Variants in LRMDA observed in about 807,000 individuals in gnomAD.
The protein encoded by LRMDA is leucine-rich melanocyte differentiation-associated protein.
A neutral mutation model predicts 29.8 loss-of-function variants in LRMDA; 18 were observed. That is an observed-to-expected ratio of 0.60 (90% CI 0.42 to 0.90). The LOEUF is 0.90. LRMDA is among the 40% of genes least tolerant of loss of function. The probability of loss-of-function intolerance (pLI) is 0.00; values close to 1 mark genes in which losing one functional copy is unlikely to be tolerated. For missense variants in LRMDA, 273 were observed against 273.9 expected, an observed-to-expected ratio of 1.00 and a Z score of 0.02; for synonymous variants, 125 against 109.4, an observed-to-expected ratio of 1.14 and a Z score of -0.89.
intron 5 of LRMDA, among the ~76,000 whole-genome samples, chr10:76,080,067 C>T (rs1235949169): frequency 6.6e-6 from 1 of 152,092 alleles, no homozygotes; most frequent in Admixed American, 6.5e-5. Flanking sequence ...CCTCCTCCTC[C>T]TCCCTTCCCT....
intron 2 of LRMDA, among the ~76,000 whole-genome samples, chr10:75,532,781 C>T (rs1845493329): frequency 6.6e-6 from 1 of 152,108 alleles, no homozygotes; most frequent in Non-Finnish European, 1.5e-5. Flanking sequence ...TACCCTAGAC[C>T]TGGTGGCTCA....
At chr10:76,182,133 G>T (rs1027391210) in intron 5 of LRMDA, among the ~76,000 whole-genome samples, 1 of 152,124 alleles carries the variant, frequency 6.6e-6, no homozygotes, top group Non-Finnish European at 1.5e-5. Context: ...ATAAAGGAAG[G>T]AGGTTTAATT....
At chr10:76,428,252 AG>A (rs1275233956) in intron 6 of LRMDA, among the ~76,000 whole-genome samples, 7 of 152,088 alleles carry the variant, frequency 4.6e-5, no homozygotes, top group African/African-American at 1.7e-4. Flanking sequence ...GAGCATATCT[AG>A]GAGGAGCCAG....
intron 2 of LRMDA, among the ~76,000 whole-genome samples, chr10:75,774,509 A>G (rs935053174): frequency 1.3e-5 from 2 of 152,180 alleles, no homozygotes; most frequent in African/African-American, 4.8e-5. Flanking sequence ...ATATTGTTAG[A>G]TATTTTAAGT....
At chr10:75,576,859 C>T (rs1840512262) in intron 2 of LRMDA, among the ~76,000 whole-genome samples, 1 of 152,110 alleles carries the variant, frequency 6.6e-6, no homozygotes, top group Admixed American at 6.5e-5. Context: ...AAAAGGATGT[C>T]CACTCAAAGA....
chr10:76,541,241 C>T (rs1485490620), intron 6 of LRMDA, among the ~76,000 whole-genome samples: 2 of 152,198 alleles, frequency 1.3e-5, no homozygotes, highest in Non-Finnish European at 2.9e-5. Context: ...TGGCTCACGC[C>T]TGTAATCCAA....
intron 5 of LRMDA, among the ~76,000 whole-genome samples, chr10:76,060,649 A>C (rs1330042721): frequency 6.6e-6 from 1 of 152,202 alleles, no homozygotes; most frequent in Non-Finnish European, 1.5e-5. Context: ...TTGTTCAAAC[A>C]AAACCTCCTA....
chr10:75,465,270 G>A (rs1844634555), intron 2 of LRMDA, among the ~76,000 whole-genome samples: 1 of 152,196 alleles, frequency 6.6e-6, no homozygotes, highest in Non-Finnish European at 1.5e-5. Context: ...TTTGCTTTCT[G>A]TGGAGGTACA....
chr10:75,470,102 A>C (rs1334480812), intron 2 of LRMDA, among the ~76,000 whole-genome samples: 1 of 152,226 alleles, frequency 6.6e-6, no homozygotes, highest in Non-Finnish European at 1.5e-5. Flanking sequence ...CACCATCAAC[A>C]TGGTTTGAGG....
chr10:76,311,313 C>T (rs1231996000), intron 5 of LRMDA, among the ~76,000 whole-genome samples: 1 of 147,742 alleles, frequency 6.8e-6, no homozygotes, highest in Non-Finnish European at 1.5e-5. Context: ...ATATTATTCA[C>T]ACATTTAAAT....
At chr10:76,283,500 A>T (rs1055026653) in intron 5 of LRMDA, among the ~76,000 whole-genome samples, 2 of 152,202 alleles carry the variant, frequency 1.3e-5, no homozygotes, top group Admixed American at 1.3e-4. Flanking sequence ...TCTGTACTGA[A>T]GGAGGCCTCT....
intron 4 of LRMDA, among the ~76,000 whole-genome samples, chr10:76,051,569 T>C (rs1490763217): frequency 6.6e-6 from 1 of 152,248 alleles, no homozygotes; most frequent in Non-Finnish European, 1.5e-5. Flanking sequence ...CAGTCGTCAT[T>C]TACTTGGAGG....
At chr10:75,681,495 C>G (rs1367731954) in intron 2 of LRMDA, among the ~76,000 whole-genome samples, 1 of 152,122 alleles carries the variant, frequency 6.6e-6, no homozygotes, top group African/African-American at 2.4e-5. Context: ...GGACAGCCAG[C>G]CTTGATGCCA....
chr10:75,493,330 CA>C (rs1359638332), intron 2 of LRMDA, among the ~76,000 whole-genome samples: 1 of 137,658 alleles, frequency 7.3e-6, no homozygotes, highest in Non-Finnish European at 1.5e-5. Context: ...AAGAGAGAGC[CA>C]TAGAGGGTTG....
intron 5 of LRMDA, among the ~76,000 whole-genome samples, chr10:76,169,942 A>G (rs985598134): frequency 6.6e-6 from 1 of 152,136 alleles, no homozygotes; most frequent in Non-Finnish European, 1.5e-5. Context: ...CCATCACCCA[A>G]GGGTATGGCC....
At chr10:76,078,499 A>G (rs1316883527) in intron 5 of LRMDA, among the ~76,000 whole-genome samples, 3 of 152,114 alleles carry the variant, frequency 2.0e-5, no homozygotes, top group South Asian at 4.1e-4. Context: ...GAATTAATAC[A>G]TAGAGGCATC....
chr10:76,283,766 T>C (rs1840236069), intron 5 of LRMDA, among the ~76,000 whole-genome samples: 1 of 152,180 alleles, frequency 6.6e-6, no homozygotes, highest in African/African-American at 2.4e-5. Context: ...TTGAGCTGGT[T>C]CAACCAATAC....
At chr10:75,865,078 C>T (rs1215047883) in intron 2 of LRMDA, among the ~76,000 whole-genome samples, 6 of 152,140 alleles carry the variant, frequency 3.9e-5, no homozygotes, top group Non-Finnish European at 1.5e-5. Flanking sequence ...TCAGTTTTCC[C>T]TCCAAATCAT....
chr10:76,071,832 C>T (rs574989966), intron 5 of LRMDA, among the ~76,000 whole-genome samples: 16 of 152,324 alleles, frequency 1.1e-4, no homozygotes, highest in Admixed American at 1.3e-4. Context: ...TCAGGAGTCA[C>T]GTCAAAAATG....
Sources: allele counts gnomAD v4.1 joint callset (sites outside exome capture counted in the v4.1 genomes callset), GRCh38; gene constraint gnomAD v4.1.1; transcripts MANE v1.5; gene names NCBI Gene and HGNC (gene_info 2026-07-23, HGNC 2026-07-21).